The following PLEKHA3 variants were observed in gnomAD, a reference collection of about 807,000 sequenced individuals.
PLEKHA3 encodes pleckstrin homology domain containing A3.
A neutral mutation model predicts 39.2 loss-of-function variants in PLEKHA3; 19 were observed. The observed-to-expected ratio is 0.48, with a 90% CI of 0.34 to 0.71. PLEKHA3 has a LOEUF of 0.71. PLEKHA3 is among the 30% of genes least tolerant of loss of function. The pLI, the probability that PLEKHA3 is intolerant of heterozygous loss-of-function variation, is 0.01. For synonymous variants in PLEKHA3, 97 were observed against 118.6 expected, an observed-to-expected ratio of 0.82 and a Z score of 1.18; for missense variants, 253 against 359.5, an observed-to-expected ratio of 0.70 and a Z score of 2.40.
intron 2 of PLEKHA3, among the ~76,000 whole-genome samples, chr2:178,487,879 C>T (rs867937086): frequency 1.3e-5 from 2 of 152,118 alleles, no homozygotes; most frequent in Non-Finnish European, 2.9e-5. Flanking sequence ...TTAAAAAATT[C>T]GGAATATTTC....
rs758992942 is a variant in PLEKHA3, at chr2:178,493,953, T to G, written c.414T>G (p.Val138=). 2 of 1,614,080 alleles carry G rather than the reference T, an allele frequency of 1.2e-6. No individual in the cohort carries two copies. Among genetic ancestry groups the G allele is most frequent in the South Asian group, 2.2e-5 (2 of 91,026 alleles). Residue 138 remains valine, a synonymous_variant, in exon 4 of 8, where the codon GTT becomes GTG. Transcript: ENST00000234453. ...AAGTTCATACAATACAGGAATTTGTTCACCATGATGAGAATCATTCATCTC... is the reference window on the plus strand; with the variant it reads ...AAGTTCATACAATACAGGAATTTGTGCACCATGATGAGAATCATTCATCTC... ...MQQVHTIQEF[V]HHDENHSSPS...
At chr2:178,482,801 A>G (rs554380809) in intron 1 of PLEKHA3, among the ~76,000 whole-genome samples, 1 of 152,168 alleles carries the variant, frequency 6.6e-6, no homozygotes, top group African/African-American at 2.4e-5. Context: ...CATTTAGTCA[A>G]CTTCTAGTAT....
intron 2 of PLEKHA3, 68 bp from the exon 3 acceptor site, chr2:178,490,591 A>T: frequency 6.8e-7 from 1 of 1,461,556 alleles, no homozygotes; most frequent in Non-Finnish European, 9.5e-7. Flanking sequence ...GTGTGATTAG[A>T]TGATTATTTG....
At chr2:178,481,008 T>G in intron 1 of PLEKHA3, 99 bp downstream of exon 1, 1 of 1,119,842 alleles carries the variant, frequency 8.9e-7, no homozygotes, top group Non-Finnish European at 1.2e-6. Context: ...CCGCGGACCC[T>G]CAGAGCGAAT....
chr2:178,513,911 G>T lies in PLEKHA3; in HGVS notation c.*10024G>T, dbSNP rs1028404807. 1 of 152,044 alleles carries T rather than the reference G, an allele frequency of 6.6e-6. No individual in the cohort carries two copies. The highest frequency in any genetic ancestry group is 1.5e-5 in the Non-Finnish European group (1 of 68,006). 9.4% of individuals were successfully genotyped at this position (152,044 alleles called of 1,614,324 possible). A position where few individuals can be genotyped will look rare whatever the true frequency, so the allele number is the denominator to read the frequency against. ...TAAAATGAATATCTTTTCAGTATTA[G>T]AACATTTCTGTTTATGCCCTATTCC... On this transcript the variant is annotated 3_prime_UTR_variant, in exon 8 of 8. Coordinates refer to ENST00000234453, the MANE Select transcript of PLEKHA3 (RefSeq NM_019091.4).
At chr2:178,496,465 T>C (rs1285314179) in intron 5 of PLEKHA3, among the ~76,000 whole-genome samples, 1 of 152,174 alleles carries the variant, frequency 6.6e-6, no homozygotes, top group African/African-American at 2.4e-5. Context: ...GTTAGGAGAA[T>C]AGGGTCTAAC....
chr2:178,496,921 G>A (rs888204446), intron 5 of PLEKHA3, among the ~76,000 whole-genome samples: 5 of 151,802 alleles, frequency 3.3e-5, no homozygotes, highest in Non-Finnish European at 5.9e-5. Context: ...TGCCCAAGCT[G>A]GTCTCAAACT....
intron 2 of PLEKHA3, among the ~76,000 whole-genome samples, chr2:178,488,195 A>G (rs1048525205): frequency 2.0e-5 from 3 of 151,790 alleles, no homozygotes; most frequent in African/African-American, 4.8e-5. Flanking sequence ...AACTTTGGCT[A>G]TCTTTCATGT....
rs930690301 is a variant in PLEKHA3, at chr2:178,480,545, G to A, written c.-325G>A. The A allele has an allele frequency of 2.8e-5, 6 of 216,326 alleles. No individual in the cohort carries two copies. The highest frequency in any genetic ancestry group is 5.5e-5 in the Non-Finnish European group (6 of 109,926). 13.4% of individuals were successfully genotyped at this position (216,326 alleles called of 1,614,324 possible). A position where few individuals can be genotyped will look rare whatever the true frequency, so the allele number is the denominator to read the frequency against. ...GGCAGGCGAGGAAGAGGCAGCGCCG[G>A]GGCGCCGGAGGGAGCAGCCGGGCTG... is the stretch of plus-strand genomic sequence containing the variant. On this transcript the variant is annotated 5_prime_UTR_variant, in exon 1 of 8. Transcript: ENST00000234453.
At position 178,513,308 on chromosome 2, in the gene PLEKHA3, A is replaced by G. The variant is rs1016804004; in HGVS notation, c.*9421A>G. On this transcript the variant is annotated 3_prime_UTR_variant, in exon 8 of 8. Coordinates refer to ENST00000234453, the MANE Select transcript of PLEKHA3 (RefSeq NM_019091.4). ...CTCCCAGTGTCAGGATCCTGGCCCC[A>G]GTGGCACATTTTTATGATGCATCTG... 1.3e-5 allele frequency: 2 copies of G among 152,192 alleles called. No individual in the cohort carries two copies. The highest frequency in any genetic ancestry group is 4.8e-5 in the African/African-American group (2 of 41,446). The allele number at this position is 152,192 out of a possible 1,614,324, so 9.4% of individuals were successfully genotyped here. A position where few individuals can be genotyped will look rare whatever the true frequency, so the allele number is the denominator to read the frequency against.
chr2:178,511,063 T>A lies in PLEKHA3; in HGVS notation c.*7176T>A, dbSNP rs768445524. On this transcript the variant is annotated 3_prime_UTR_variant, in exon 8 of 8. Coordinates refer to ENST00000234453, the MANE Select transcript of PLEKHA3 (RefSeq NM_019091.4). Reference sequence around the variant, plus strand: ...TTTTGTGTCTGGATTCAGAGAGGTATGATAATGAGATTCTCTTCTAGAGGG... The same window carrying A: ...TTTTGTGTCTGGATTCAGAGAGGTAAGATAATGAGATTCTCTTCTAGAGGG... 6.6e-6 allele frequency: 1 copy of A among 152,242 alleles called. No individual in the cohort carries two copies. The highest frequency in any genetic ancestry group is 2.1e-4 in the South Asian group (1 of 4,834). The allele number at this position is 152,242 out of a possible 1,614,324, so 9.4% of individuals were successfully genotyped here. A position where few individuals can be genotyped will look rare whatever the true frequency, so the allele number is the denominator to read the frequency against.
intron 2 of PLEKHA3, among the ~76,000 whole-genome samples, chr2:178,489,310 T>TA (rs927936392): frequency 6.6e-6 from 1 of 152,218 alleles, no homozygotes; most frequent in African/African-American, 2.4e-5. Context: ...CTTGCCATAA[T>TA]ACACTAAACA....
Position 178,505,519 on chromosome 2 carries a change from T to G in PLEKHA3, c.*1632T>G, listed in dbSNP as rs2154128101. 1 of 151,670 alleles carries G rather than the reference T, an allele frequency of 6.6e-6. No individual in the cohort carries two copies. Among genetic ancestry groups the G allele is most frequent in the Non-Finnish European group, 1.5e-5 (1 of 67,768 alleles). 9.4% of individuals were successfully genotyped at this position (151,670 alleles called of 1,614,324 possible). On this transcript the variant is annotated 3_prime_UTR_variant, in exon 8 of 8. Transcript: ENST00000234453. ...TGAAAAAAAAAGTTTGATAATGTAG[T>G]AAGTTATGACGTTGAGCAGGTAATC...
chr2:178,501,260 A>T, intron 7 of PLEKHA3, 84 bp downstream of exon 7: 1 of 929,386 alleles, frequency 1.1e-6, no homozygotes, highest in Admixed American at 2.2e-5. Flanking sequence ...AATGAAGTAT[A>T]CTGACTGAAC....
rs978960257 is a variant in PLEKHA3 at position 178,511,557 on chromosome 2, A to G, written c.*7670A>G. 1.3e-5 allele frequency: 2 copies of G among 152,130 alleles called. No homozygotes were observed. The highest frequency in any genetic ancestry group is 4.8e-5 in the African/African-American group (2 of 41,422). The allele number at this position is 152,130 out of a possible 1,614,324, so 9.4% of individuals were successfully genotyped here. A position where few individuals can be genotyped will look rare whatever the true frequency, so the allele number is the denominator to read the frequency against. The stretch of plus-strand genomic sequence containing the variant: ...CCCAGCTGATGTTTTGTATTTTTAC[A>G]AAAATTTTTCACCATGTTGGCCAGG... On this transcript the variant is annotated 3_prime_UTR_variant, in exon 8 of 8. Transcript: ENST00000234453.
chr2:178,498,294 G>T (rs974279293), intron 5 of PLEKHA3, among the ~76,000 whole-genome samples: 4 of 152,178 alleles, frequency 2.6e-5, no homozygotes, highest in African/African-American at 9.7e-5. Flanking sequence ...AATCTTATCA[G>T]ATGTTCCCAG....
At position 178,501,178 on chromosome 2, in the gene PLEKHA3, T is replaced by C; in HGVS notation, c.775+2T>C. 1 of 1,599,328 alleles carries C rather than the reference T, an allele frequency of 6.3e-7. No homozygotes were observed. The highest frequency in any genetic ancestry group is 1.1e-5 in the South Asian group (1 of 89,834). On this transcript the variant is annotated splice_donor_variant, in intron 7 of 7. Coordinates refer to ENST00000234453, the MANE Select transcript of PLEKHA3 (RefSeq NM_019091.4). LOFTEE classifies it high-confidence loss of function. ...ATATTCCTCTTGAAGACCCAGATAG[T>C]AAGTGACATAGATTCTGTCTCTTTC...
chr2:178,496,570 C>T (rs1685451273), intron 5 of PLEKHA3, among the ~76,000 whole-genome samples: 1 of 152,158 alleles, frequency 6.6e-6, no homozygotes, highest in Non-Finnish European at 1.5e-5. Flanking sequence ...GTTTTCTAAT[C>T]AGTATTTGAT....
chr2:178,491,804 A>G (rs1336675667), intron 3 of PLEKHA3, among the ~76,000 whole-genome samples: 1 of 152,162 alleles, frequency 6.6e-6, no homozygotes, highest in African/African-American at 2.4e-5. Context: ...GGGCAGCTGT[A>G]TCTAGTTGGC....
Sources: gnomAD v4.1 joint callset for allele counts (sites outside exome capture counted in the v4.1 genomes callset) on GRCh38, gnomAD v4.1.1 for gene constraint, MANE v1.5 for transcripts, NCBI Gene and HGNC (gene_info 2026-07-23, HGNC 2026-07-21) for gene names.